DOCK8: variants seen among roughly 807,000 people sequenced by gnomAD.
DOCK8 encodes the protein dedicator of cytokinesis 8.
DOCK8 carries 141 observed loss-of-function variants against 245.6 expected under a neutral mutation model. The ratio of observed to expected loss-of-function variants is 0.57; its 90% CI spans 0.50 to 0.66. The LOEUF (loss-of-function observed/expected upper bound fraction) is 0.66. Ranked by LOEUF, DOCK8 falls within the 30% of genes least tolerant of loss-of-function variation. DOCK8 has a pLI of 0.00. For synonymous variants in DOCK8, 1,168 were observed against 970.2 expected (o/e 1.20, Z -3.79); for missense variants, 2,965 against 2,603.4 (o/e 1.14, Z -3.02).
At chr9:429,331 GT>G (rs1212561561) in intron 35 of DOCK8, among the ~76,000 whole-genome samples, 1 of 152,134 alleles carries the variant, frequency 6.6e-6, no homozygotes, top group African/African-American at 2.4e-5. Flanking sequence ...AATTTAAAAA[GT>G]AAAATTCTTC....
At chr9:216,336 C>G (rs910929414) in intron 1 of DOCK8, among the ~76,000 whole-genome samples, 1 of 151,876 alleles carries the variant, frequency 6.6e-6, no homozygotes, top group African/African-American at 2.4e-5. Context: ...TGAGACCAGC[C>G]TGGGCAACAT....
chr9:418,346 A>G (rs2056125054), intron 30 of DOCK8, 139 bp downstream of exon 30: 1 of 1,186,890 alleles, frequency 8.4e-7, no homozygotes, highest in Admixed American at 1.7e-5. Flanking sequence ...ATCTCAGTTC[A>G]CTGCAACCTC....
At chr9:317,173 GC>G (rs1424048051) in intron 7 of DOCK8, 45 bp downstream of exon 7, 1 of 1,410,154 alleles carries the variant, frequency 7.1e-7, no homozygotes. Context: ...GATTTATCTT[GC>G]CTTTTACATA....
intron 29 of DOCK8, 144 bp downstream of exon 29, chr9:415,095 C>A: frequency 8.5e-7 from 1 of 1,172,372 alleles, no homozygotes; most frequent in Non-Finnish European, 1.2e-6. Context: ...ACCTCTTTAA[C>A]ACTGGCCCCA....
chr9:263,648 A>G (rs546146905), intron 1 of DOCK8, among the ~76,000 whole-genome samples: 1 of 152,270 alleles, frequency 6.6e-6, no homozygotes, highest in African/African-American at 2.4e-5. Flanking sequence ...TGCTGGTGAT[A>G]AATTCTCTCC....
At position 414,783 on chromosome 9, in the gene DOCK8, A is replaced by G. The variant is rs755307328; in HGVS notation, c.3532A>G (p.Ile1178Val). The G allele has an allele frequency of 6.2e-7, 1 of 1,614,216 alleles. No individual in the cohort carries two copies. Among genetic ancestry groups the G allele is most frequent in the East Asian group, 2.2e-5 (1 of 44,894 alleles). ...AAALDAEGEG[I>V]SKVQRKAVSA... Reference sequence around the variant, plus strand: ...TTGATTCCTGTGTTGTGCCAACAGAATCAGCAAAGTACAAAGGAAAGCTGT... The same window carrying G: ...TTGATTCCTGTGTTGTGCCAACAGAGTCAGCAAAGTACAAAGGAAAGCTGT... Residue 1178 changes from isoleucine to valine, a missense_variant and splice_region_variant, in exon 29 of 48, where the codon ATC becomes GTC. This residue lies in a region of DOCK8 where 2,825 missense variants were observed against 2,453.5 expected (regional missense o/e 1.15). Transcript: ENST00000432829.
In DOCK8 at chr9:396,818, G is replaced by A. The variant is rs779815621; in HGVS notation, c.3004G>A (p.Asp1002Asn). 1 of 1,613,974 alleles carries A rather than the reference G, an allele frequency of 6.2e-7. No individual in the cohort carries two copies. The highest frequency in any genetic ancestry group is 2.2e-5 in the East Asian group (1 of 44,898). The part of the protein sequence containing the change: ...KSMAQHVHNM[D>N]KRDSFRRTRF... Reference sequence around the variant, plus strand: ...CATGGCCCAGCACGTACATAACATGGACAAACGGGACAGTTTTCGGAGGAC... The same window carrying A: ...CATGGCCCAGCACGTACATAACATGAACAAACGGGACAGTTTTCGGAGGAC... Residue 1002 changes from aspartate to asparagine, a missense_variant, in exon 25 of 48, where the codon GAC becomes AAC. By Grantham distance (23) the Asp-to-Asn change is conservative. Around this residue, in one of 3 missense-constraint regions of DOCK8, gnomAD observed 2,825 missense variants for 2,453.5 expected, o/e 1.15. Coordinates refer to ENST00000432829, the MANE Select transcript of DOCK8 (RefSeq NM_203447.4).
At chr9:265,664 C>G (rs917239768) in intron 1 of DOCK8, among the ~76,000 whole-genome samples, 7 of 152,084 alleles carry the variant, frequency 4.6e-5, no homozygotes, top group African/African-American at 1.7e-4. Flanking sequence ...TTTTGGCTGC[C>G]GGCCATACCA....
intron 1 of DOCK8, among the ~76,000 whole-genome samples, chr9:232,781 C>T (rs2047147436): frequency 6.6e-6 from 1 of 152,116 alleles, no homozygotes; most frequent in Admixed American, 6.6e-5. Context: ...TTTGATTCTT[C>T]TCTCTTTTCT....
At chr9:301,910 G>T (rs2049562643) in intron 4 of DOCK8, among the ~76,000 whole-genome samples, 1 of 151,914 alleles carries the variant, frequency 6.6e-6, no homozygotes, top group African/African-American at 2.4e-5. Flanking sequence ...TATTAAAACA[G>T]CCATAGTGCC....
chr9:224,667 G>A (rs767092605), intron 1 of DOCK8, among the ~76,000 whole-genome samples: 22 of 152,182 alleles, frequency 1.4e-4, no homozygotes, highest in Non-Finnish European at 2.8e-4. Context: ...GCTTTCTGCT[G>A]TGTAATATGA....
intron 1 of DOCK8, among the ~76,000 whole-genome samples, chr9:220,425 C>T (rs140391022): frequency 6.6e-6 from 1 of 152,010 alleles, no homozygotes; most frequent in Non-Finnish European, 1.5e-5. Flanking sequence ...CATGTAGTTG[C>T]CCAGGGAAAG....
intron 1 of DOCK8, chr9:268,229 A>G (rs906578903): frequency 1.3e-5 from 2 of 152,240 alleles, no homozygotes; most frequent in African/African-American, 2.4e-5. Context: ...TTTGTATTTG[A>G]CAGTTTTGAA....
upstream of DOCK8, chr9:212,677 A>G (rs1250517048): frequency 6.6e-6 from 1 of 152,246 alleles, no homozygotes; most frequent in African/African-American, 2.4e-5. Context: ...TTGACAGCAC[A>G]GAGGATAATA....
At chr9:419,179 T>C (rs2056169142) in intron 30 of DOCK8, among the ~76,000 whole-genome samples, 1 of 152,212 alleles carries the variant, frequency 6.6e-6, no homozygotes, top group African/African-American at 2.4e-5. Context: ...TGCAGAGAAT[T>C]TAACTTTCTT....
chr9:324,947 A>G (rs1405503242), intron 7 of DOCK8, among the ~76,000 whole-genome samples: 1 of 152,056 alleles, frequency 6.6e-6, no homozygotes, highest in Non-Finnish European at 1.5e-5. Flanking sequence ...TGTACCCAGT[A>G]TGTAGTTTTT....
At chr9:223,602 G>T (rs184317786) in intron 1 of DOCK8, among the ~76,000 whole-genome samples, 16 of 151,522 alleles carry the variant, frequency 1.1e-4, no homozygotes, top group Admixed American at 5.3e-4. Context: ...TTTTTAAAAA[G>T]AAACTTGGTG....
chr9:336,643 C>G lies in DOCK8; in HGVS notation c.1347C>G (p.Ala449=). The change falls in exon 12 of 48, where the codon GCC becomes GCG. Residue 449 remains alanine (A), a synonymous_variant. Transcript: ENST00000432829. ...AATCTAGAAGGCTTTCTGAAAGAGCCCTCTCCTTGGAGGAAAATGGGGTTG... is the reference window on the plus strand; with the variant it reads ...AATCTAGAAGGCTTTCTGAAAGAGCGCTCTCCTTGGAGGAAAATGGGGTTG... ...LAQSRRLSER[A]LSLEENGVGS... is the part of the protein sequence containing the mutation. 6.2e-7 allele frequency: 1 copy of G among 1,614,092 alleles called. No homozygotes were observed.
chr9:443,838 C>G (rs2057166667), intron 43 of DOCK8, among the ~76,000 whole-genome samples: 1 of 152,146 alleles, frequency 6.6e-6, no homozygotes. Flanking sequence ...GATGAGAAAA[C>G]TGAGACATGG....
Sources: gnomAD v4.1 joint callset for allele counts (sites outside exome capture counted in the v4.1 genomes callset) on GRCh38, gnomAD v4.1.1 for gene constraint, gnomAD v4.1.1 regional missense constraint, MANE v1.5 for transcripts, NCBI Gene and HGNC (gene_info 2026-07-23, HGNC 2026-07-21) for gene names.